The following DLG2 variants were observed in gnomAD, a reference collection of about 807,000 sequenced individuals.
DLG2 encodes the protein discs large MAGUK scaffold protein 2, also known as disks large homolog 2.
DLG2 carries 45 observed loss-of-function variants against 132.5 expected under a neutral mutation model. That is an observed-to-expected ratio of 0.34 (90% CI 0.27 to 0.44). The LOEUF (loss-of-function observed/expected upper bound fraction) is 0.44. Among genes scored for constraint, DLG2 ranks in the 20% least tolerant of loss-of-function variants. The pLI is 1.00. For synonymous variants in DLG2, 424 were observed against 419.6 expected (o/e 1.01, Z -0.13); for missense variants, 1,045 against 1,196.9 (o/e 0.87, Z 1.87).
intron 4 of DLG2, among the ~76,000 whole-genome samples, chr11:85,274,414 T>C (rs1157454132): frequency 6.6e-6 from 1 of 152,224 alleles, no homozygotes; most frequent in Non-Finnish European, 1.5e-5. Context: ...TGAATGTAGA[T>C]GTCTTACTTA....
At chr11:83,779,995 T>C (rs182563439) in intron 18 of DLG2, among the ~76,000 whole-genome samples, 2 of 152,294 alleles carry the variant, frequency 1.3e-5, no homozygotes, top group East Asian at 3.9e-4. Context: ...CTTACTTAAA[T>C]GTTCTCTGAT....
chr11:83,837,771 A>AACTC (rs1280641845), intron 16 of DLG2, among the ~76,000 whole-genome samples: 21 of 143,874 alleles, frequency 1.5e-4, no homozygotes, highest in African/African-American at 5.4e-4. Flanking sequence ...AAGTCCTGGG[A>AACTC]ACTCACTACA....
chr11:83,865,333 T>C (rs1359267747), intron 16 of DLG2, among the ~76,000 whole-genome samples: 2 of 152,064 alleles, frequency 1.3e-5, no homozygotes, highest in Non-Finnish European at 2.9e-5. Flanking sequence ...ACAGGATAAA[T>C]GACTCTTACC....
chr11:84,843,061 A>C (rs958512597), intron 6 of DLG2, among the ~76,000 whole-genome samples: 1 of 152,002 alleles, frequency 6.6e-6, no homozygotes, highest in African/African-American at 2.4e-5. Flanking sequence ...TCTGCTGTAC[A>C]ACATAGTGCC....
intron 6 of DLG2, among the ~76,000 whole-genome samples, chr11:84,774,234 A>G (rs12361278): frequency 0.29 from 43,473 of 151,796 alleles, 6,581 homozygotes; most frequent in Middle Eastern, 0.32. Context: ...GCAAGGAGGT[A>G]AAAGACTTCT....
chr11:85,462,996 C>T (rs1280344009), intron 3 of DLG2, among the ~76,000 whole-genome samples: 4 of 152,120 alleles, frequency 2.6e-5, no homozygotes, highest in Admixed American at 6.5e-5. Context: ...GAGTAGACAG[C>T]GAGAAGGCAG....
chr11:84,918,190 T>A (rs936439189), intron 6 of DLG2, among the ~76,000 whole-genome samples: 2 of 152,134 alleles, frequency 1.3e-5, no homozygotes, highest in Admixed American at 1.3e-4. Flanking sequence ...AAGAAAATAG[T>A]TTATAGTTCC....
chr11:84,252,976 T>C (rs1252976462), intron 7 of DLG2, among the ~76,000 whole-genome samples: 2 of 152,112 alleles, frequency 1.3e-5, no homozygotes, highest in East Asian at 3.9e-4. Flanking sequence ...ATAAAACAAA[T>C]AGCAATCCAG....
chr11:83,938,002 A>C (rs1344526922), intron 14 of DLG2, among the ~76,000 whole-genome samples: 2 of 152,226 alleles, frequency 1.3e-5, no homozygotes, highest in Non-Finnish European at 2.9e-5. Flanking sequence ...AAATATGTAC[A>C]AAAGTTTCTA....
intron 6 of DLG2, among the ~76,000 whole-genome samples, chr11:84,860,097 T>C (rs1414661677): frequency 6.6e-6 from 1 of 152,174 alleles, no homozygotes; most frequent in East Asian, 1.9e-4. Context: ...ATGTTTTACG[T>C]ATAACCAGAA....
intron 6 of DLG2, among the ~76,000 whole-genome samples, chr11:84,727,413 G>T (rs571100565): frequency 1.3e-5 from 2 of 152,194 alleles, no homozygotes; most frequent in Non-Finnish European, 2.9e-5. Context: ...TTATATGGTG[G>T]TGTTATGTCT....
intron 3 of DLG2, among the ~76,000 whole-genome samples, chr11:85,361,510 A>T (rs770973945): frequency 6.6e-6 from 1 of 152,042 alleles, no homozygotes; most frequent in Non-Finnish European, 1.5e-5. Context: ...CTGCATGTCC[A>T]TGTGTACGCA....
At chr11:84,052,178 A>G (rs895284425) in intron 11 of DLG2, among the ~76,000 whole-genome samples, 1 of 151,976 alleles carries the variant, frequency 6.6e-6, no homozygotes, top group African/African-American at 2.4e-5. Flanking sequence ...ATAGAGTTAT[A>G]TGACACATCA....
intron 10 of DLG2, among the ~76,000 whole-genome samples, chr11:84,077,786 A>G (rs2096849494): frequency 6.6e-6 from 1 of 152,178 alleles, no homozygotes; most frequent in South Asian, 2.1e-4. Flanking sequence ...TTAAAAAATC[A>G]CACTTTTCTT....
intron 8 of DLG2, among the ~76,000 whole-genome samples, chr11:84,226,828 C>A (rs2097002922): frequency 6.6e-6 from 1 of 152,136 alleles, no homozygotes; most frequent in South Asian, 2.1e-4. Context: ...TGGCTCACAT[C>A]TGTAATCCTA....
intron 8 of DLG2, among the ~76,000 whole-genome samples, chr11:84,206,270 G>A (rs908787462): frequency 6.6e-6 from 1 of 152,062 alleles, no homozygotes; most frequent in Admixed American, 6.6e-5. Context: ...ACTCCACAAA[G>A]TAATTCCATG....
At chr11:83,760,755 C>T (rs1277156160) in intron 18 of DLG2, among the ~76,000 whole-genome samples, 1 of 152,130 alleles carries the variant, frequency 6.6e-6, no homozygotes, top group African/African-American at 2.4e-5. Context: ...AAATCCAGTC[C>T]CTTCTTTCCA....
intron 6 of DLG2, among the ~76,000 whole-genome samples, chr11:84,539,070 T>C (rs2099362027): frequency 1.3e-5 from 2 of 152,152 alleles, no homozygotes; most frequent in African/African-American, 4.8e-5. Context: ...AATGCAATAT[T>C]ACAACCAATA....
At chr11:84,479,114 T>C (rs17734757) in intron 7 of DLG2, among the ~76,000 whole-genome samples, 3,390 of 152,192 alleles carry the variant, frequency 0.022, 59 homozygotes, top group Non-Finnish European at 0.035. Context: ...TCTTTAATAA[T>C]GATGACATAT....
Sources: gnomAD v4.1 joint callset for allele counts (sites outside exome capture counted in the v4.1 genomes callset) on GRCh38, gnomAD v4.1.1 for gene constraint, MANE v1.5 for transcripts, NCBI Gene and HGNC (gene_info 2026-07-23, HGNC 2026-07-21) for gene names.